BCKDHB: variants seen among roughly 807,000 people sequenced by gnomAD.
The protein encoded by BCKDHB is 2-oxoisovalerate dehydrogenase subunit beta, mitochondrial.
BCKDHB carries 41 observed loss-of-function variants against 48.5 expected under a neutral mutation model. The ratio of observed to expected loss-of-function variants is 0.85; its 90% CI spans 0.66 to 1.10. The LOEUF is 1.10. Among genes scored for constraint, BCKDHB ranks in the 50% least tolerant of loss-of-function variants. BCKDHB has a pLI of 0.00. For missense variants in BCKDHB, 496 were observed against 494.2 expected (o/e 1.00, Z -0.03); for synonymous variants, 201 against 174.8 (o/e 1.15, Z -1.18).
intron 9 of BCKDHB, among the ~76,000 whole-genome samples, chr6:80,306,182 G>C (rs1490881982): frequency 1.3e-5 from 2 of 151,948 alleles, no homozygotes; most frequent in African/African-American, 4.8e-5. Flanking sequence ...TTTCATCCTT[G>C]TGTTACTCTT....
At chr6:80,381,209 A>T in the BCKDHB span, among the ~76,000 whole-genome samples, 1 of 151,824 alleles carries the variant, frequency 6.6e-6, no homozygotes, top group Non-Finnish European at 1.5e-5. Context: ...TTTTTTCTGA[A>T]CAAAGGTATA....
chr6:80,291,010 C>T (rs1331801302), intron 9 of BCKDHB, among the ~76,000 whole-genome samples: 4 of 152,158 alleles, frequency 2.6e-5, no homozygotes, highest in Non-Finnish European at 5.9e-5. Context: ...GGGTCTTAGC[C>T]AGCTTCTTTA....
intron 9 of BCKDHB, among the ~76,000 whole-genome samples, chr6:80,334,881 AT>A (rs763622433): frequency 1.0e-3 from 158 of 151,870 alleles, no homozygotes; most frequent in Non-Finnish European, 1.8e-3. Context: ...TTCAGTCATC[AT>A]TTTTTATATG....
chr6:80,400,948 G>C, the BCKDHB span, among the ~76,000 whole-genome samples: 1 of 151,908 alleles, frequency 6.6e-6, no homozygotes. Flanking sequence ...ATTATCCTTA[G>C]CAAACTAATG....
rs187622238 is a variant in BCKDHB, at chr6:80,182,830, T to A, written c.742+11440T>A. Reference sequence around the variant, plus strand: ...AATGTACACACACAAATAATACAAATAAGAGCATGTTACAAATATTGTATA... The same window carrying A: ...AATGTACACACACAAATAATACAAAAAAGAGCATGTTACAAATATTGTATA... On this transcript the variant is annotated intron_variant, in intron 6 of 9. Coordinates refer to ENST00000320393, the MANE Select transcript of BCKDHB (RefSeq NM_183050.4). 2.8e-3 allele frequency among the ~76,000 whole-genome samples: 424 copies of A among 152,266 alleles called. 2 individuals are homozygous for A. Among genetic ancestry groups the A allele is most frequent in the Non-Finnish European group, 2.9e-3 (197 of 67,976 alleles).
the BCKDHB span, among the ~76,000 whole-genome samples, chr6:80,461,769 A>G: frequency 6.6e-6 from 1 of 152,102 alleles, no homozygotes; most frequent in African/African-American, 2.4e-5. Flanking sequence ...TCTTCCTGGA[A>G]TAATCTCTTT....
the BCKDHB span, among the ~76,000 whole-genome samples, chr6:80,352,693 A>G: frequency 4.6e-5 from 7 of 152,138 alleles, no homozygotes; most frequent in Non-Finnish European, 8.8e-5. Flanking sequence ...TAGTTTATAT[A>G]TTGTGCTCAA....
At chr6:80,357,597 A>G in the BCKDHB span, among the ~76,000 whole-genome samples, 1 of 152,216 alleles carries the variant, frequency 6.6e-6, no homozygotes, top group Non-Finnish European at 1.5e-5. Context: ...AGACAGGTAA[A>G]TATCTGTTTA....
At chr6:80,355,961 C>T in the BCKDHB span, 8 of 152,304 alleles carry the variant, frequency 5.3e-5, no homozygotes, top group Admixed American at 3.3e-4. Context: ...AAATCCTTCT[C>T]CTCTTGTTGA....
chr6:80,274,301 A>G (rs1462587394), intron 9 of BCKDHB, among the ~76,000 whole-genome samples: 1 of 152,044 alleles, frequency 6.6e-6, no homozygotes, highest in Non-Finnish European at 1.5e-5. Flanking sequence ...TATTTTTACA[A>G]TTTATATGTA....
chr6:80,248,119 A>G (rs1344841223), intron 8 of BCKDHB, among the ~76,000 whole-genome samples: 1 of 152,146 alleles, frequency 6.6e-6, no homozygotes, highest in Non-Finnish European at 1.5e-5. Flanking sequence ...TCCCTTATCT[A>G]GTTTTCCTGC....
the BCKDHB span, among the ~76,000 whole-genome samples, chr6:80,377,417 CCA>C: frequency 1.2e-4 from 18 of 152,020 alleles, 1 homozygote; most frequent in South Asian, 2.9e-3. Flanking sequence ...GTTTTTTTTG[CCA>C]AAGCCGAGTT....
intron 9 of BCKDHB, among the ~76,000 whole-genome samples, chr6:80,317,700 T>A (rs750937103): frequency 3.7e-4 from 57 of 152,240 alleles, no homozygotes; most frequent in Non-Finnish European, 5.7e-4. Flanking sequence ...ATGGACATTT[T>A]GGGGACAATT....
intron 8 of BCKDHB, among the ~76,000 whole-genome samples, chr6:80,259,382 A>G (rs983617833): frequency 4.6e-5 from 7 of 152,198 alleles, no homozygotes; most frequent in Non-Finnish European, 1.0e-4. Context: ...GGCATCATAA[A>G]GTAGTAGGAC....
At chr6:80,416,527 T>G in the BCKDHB span, among the ~76,000 whole-genome samples, 3 of 152,000 alleles carry the variant, frequency 2.0e-5, no homozygotes, top group Admixed American at 2.0e-4. Flanking sequence ...TGCTTTAATT[T>G]CATTAATTAT....
At chr6:80,417,959 C>G in the BCKDHB span, among the ~76,000 whole-genome samples, 3 of 152,142 alleles carry the variant, frequency 2.0e-5, no homozygotes, top group Non-Finnish European at 4.4e-5. Flanking sequence ...CCATCTCTTT[C>G]AGGGACACCA....
intron 3 of BCKDHB, among the ~76,000 whole-genome samples, chr6:80,134,763 AT>A (rs1770802175): frequency 6.6e-6 from 1 of 151,020 alleles, no homozygotes; most frequent in South Asian, 2.1e-4. Context: ...TTATTTATTT[AT>A]TTATTTGAGT....
At chr6:80,315,756 C>G (rs1562224914) in intron 9 of BCKDHB, among the ~76,000 whole-genome samples, 1 of 152,090 alleles carries the variant, frequency 6.6e-6, no homozygotes, top group Non-Finnish European at 1.5e-5. Flanking sequence ...AGTGCTGGGA[C>G]TACATGCATG....
At chr6:80,177,495 T>C (rs569505839) in intron 6 of BCKDHB, among the ~76,000 whole-genome samples, 11 of 152,140 alleles carry the variant, frequency 7.2e-5, no homozygotes, top group African/African-American at 2.6e-4. Flanking sequence ...AGAGGTTGAA[T>C]GTAGAGGGAT....
Sources: gnomAD v4.1 joint callset for allele counts (sites outside exome capture counted in the v4.1 genomes callset) on GRCh38, gnomAD v4.1.1 for gene constraint, MANE v1.5 for transcripts, NCBI Gene and HGNC (gene_info 2026-07-23, HGNC 2026-07-21) for gene names.